KCNH8: variants seen among roughly 807,000 people sequenced by gnomAD.
KCNH8 encodes the protein potassium voltage-gated channel subfamily H member 8, also known as voltage-gated delayed rectifier potassium channel KCNH8.
KCNH8 carries 70 observed loss-of-function variants against 103.6 expected under a neutral mutation model. That is an observed-to-expected ratio of 0.68 (90% confidence interval 0.56 to 0.82). KCNH8 has a LOEUF of 0.82. KCNH8 is among the 40% of genes least tolerant of loss of function. The probability of loss-of-function intolerance (pLI) is 0.00; values close to 1 mark genes in which losing one functional copy is unlikely to be tolerated. For missense variants in KCNH8, 1,217 were observed against 1,329.9 expected, an observed-to-expected ratio of 0.92 and a Z score of 1.32; for synonymous variants, 498 against 489.4, an observed-to-expected ratio of 1.02 and a Z score of -0.23.
intron 5 of KCNH8, 122 bp downstream of exon 5, chr3:19,348,087 C>T: frequency 8.3e-7 from 1 of 1,205,826 alleles, no homozygotes; most frequent in South Asian, 1.5e-5. Flanking sequence ...GCCTCTGTTG[C>T]AAATTTTGGA....
chr3:19,363,577 C>T (rs763732787), intron 5 of KCNH8, among the ~76,000 whole-genome samples: 110 of 152,246 alleles, frequency 7.2e-4, no homozygotes, highest in Admixed American at 3.4e-3. Flanking sequence ...AACTTTTCTC[C>T]AAATCTCCTC....
At chr3:19,372,093 G>C (rs1042897896) in intron 5 of KCNH8, among the ~76,000 whole-genome samples, 61 of 152,190 alleles carry the variant, frequency 4.0e-4, no homozygotes, top group African/African-American at 1.3e-3. Context: ...TTGGCGATGC[G>C]GGCTCTTTTT....
rs769710478 is a variant in KCNH8 at position 19,534,052 on chromosome 3, G to A, written c.3277G>A (p.Val1093Ile). ...TTTGGAGAACCTTCCACTGGAAGTT[G>A]TCACAAGCACAGCAGAAGTGAAAGA... ...KPLENLPLEV[V>I]TSTAEVKDNK... Residue 1093 changes from valine to isoleucine, a missense_variant, in exon 16 of 16, where the codon GTC becomes ATC. This residue lies in a region of KCNH8 where 558 missense variants were observed against 495.8 expected (regional missense o/e 1.13). Coordinates refer to ENST00000328405, the MANE Select transcript of KCNH8 (RefSeq NM_144633.3). 2.5e-6 allele frequency: 4 copies of A among 1,614,126 alleles called. No homozygotes were observed. In the South Asian group the frequency reaches 4.4e-5, roughly 18 times the overall value.
At chr3:19,446,571 A>G (rs922728425) in intron 8 of KCNH8, among the ~76,000 whole-genome samples, 1 of 151,964 alleles carries the variant, frequency 6.6e-6, no homozygotes, top group Non-Finnish European at 1.5e-5. Flanking sequence ...ACTTATAACC[A>G]AGAATGGAAA....
At chr3:19,421,067 T>C (rs1474845061) in intron 7 of KCNH8, among the ~76,000 whole-genome samples, 2 of 152,176 alleles carry the variant, frequency 1.3e-5, no homozygotes, top group East Asian at 3.8e-4. Flanking sequence ...TTGGTAGAAT[T>C]TGACACTTTT....
intron 3 of KCNH8, among the ~76,000 whole-genome samples, chr3:19,302,083 T>G (rs2065071032): frequency 6.6e-6 from 1 of 152,136 alleles, no homozygotes; most frequent in African/African-American, 2.4e-5. Context: ...CTATGATTGA[T>G]TAAAACATCA....
chr3:19,463,941 C>T (rs2067685244), intron 11 of KCNH8, among the ~76,000 whole-genome samples: 2 of 151,950 alleles, frequency 1.3e-5, no homozygotes, highest in Admixed American at 1.3e-4. Context: ...GATTTATTGA[C>T]AAGATAAGAA....
chr3:19,444,908 C>T (rs533440035), intron 8 of KCNH8, among the ~76,000 whole-genome samples: 29 of 152,034 alleles, frequency 1.9e-4, no homozygotes, highest in Admixed American at 1.6e-3. Context: ...GCATGTCAGT[C>T]GATACAACTT....
chr3:19,207,961 T>TA (rs558275362), intron 1 of KCNH8, among the ~76,000 whole-genome samples: 27 of 151,362 alleles, frequency 1.8e-4, no homozygotes, highest in South Asian at 6.2e-4. Flanking sequence ...TTTCAAGATT[T>TA]AAAAAAAAAT....
At chr3:19,459,823 T>C (rs1025657998) in intron 11 of KCNH8, among the ~76,000 whole-genome samples, 10 of 152,266 alleles carry the variant, frequency 6.6e-5, no homozygotes, top group Middle Eastern at 3.4e-3. Flanking sequence ...GGAAAAGGAA[T>C]TTTTATCTTT....
chr3:19,490,904 C>G (rs1294772353), intron 11 of KCNH8, among the ~76,000 whole-genome samples: 1 of 152,154 alleles, frequency 6.6e-6, no homozygotes, highest in South Asian at 2.1e-4. Flanking sequence ...GAAAGCTACT[C>G]AAGACATTCT....
chr3:19,519,176 AG>A (rs1207384285), intron 15 of KCNH8, among the ~76,000 whole-genome samples: 1 of 151,990 alleles, frequency 6.6e-6, no homozygotes, highest in African/African-American at 2.4e-5. Flanking sequence ...GAGAATATGC[AG>A]CAAAACCTGT....
chr3:19,156,983 A>T (rs12489678), intron 1 of KCNH8, among the ~76,000 whole-genome samples: 12,178 of 134,872 alleles, frequency 0.09, 618 homozygotes, highest in East Asian at 0.2. Context: ...TTTTTTTTTT[A>T]AAAAAAAGGT....
chr3:19,488,088 A>G (rs1193140401), intron 11 of KCNH8, among the ~76,000 whole-genome samples: 1 of 152,186 alleles, frequency 6.6e-6, no homozygotes, highest in Non-Finnish European at 1.5e-5. Flanking sequence ...CTTCAGTCTA[A>G]TAGCCCTTCA....
In KCNH8 at chr3:19,200,490, A is replaced by G. The variant is rs115353981; in HGVS notation, c.76+51695A>G. Among the ~76,000 whole-genome samples the G allele has an allele frequency of 5.2e-3, 791 of 152,032 alleles. 12 individuals are homozygous for G. Among genetic ancestry groups the G allele is most frequent in the African/African-American group, 0.016 (670 of 41,524 alleles). On this transcript the variant is annotated intron_variant, in intron 1 of 15. Transcript: ENST00000328405. ...ACCAAAATTGTGAAGCTCTTACTACATAGACAGTTGTGATTTCCACCTTTT... is the reference window on the plus strand; with the variant it reads ...ACCAAAATTGTGAAGCTCTTACTACGTAGACAGTTGTGATTTCCACCTTTT...
At chr3:19,371,011 G>C (rs923299074) in intron 5 of KCNH8, among the ~76,000 whole-genome samples, 4 of 152,096 alleles carry the variant, frequency 2.6e-5, no homozygotes, top group African/African-American at 9.7e-5. Flanking sequence ...GTCTATTACT[G>C]TTGGACATTT....
At chr3:19,295,812 A>G (rs1386298501) in intron 3 of KCNH8, among the ~76,000 whole-genome samples, 1 of 152,178 alleles carries the variant, frequency 6.6e-6, no homozygotes, top group Non-Finnish European at 1.5e-5. Flanking sequence ...GGGGAAAAAA[A>G]CAGACTATTT....
Position 19,441,616 on chromosome 3 carries a change from G to A in KCNH8, c.1375+3255G>A, listed in dbSNP as rs1336735416. Among the ~76,000 whole-genome samples, 3 of 152,258 alleles carry A rather than the reference G, an allele frequency of 2.0e-5. No individual in the cohort carries two copies. In the East Asian group the frequency reaches 5.8e-4, roughly 29 times the overall value. ...AAAGGGAAACTTTACTGAACTATAA[G>A]ACTGCTGTGATGGAGTATTAGGAGA... On this transcript the variant is annotated intron_variant, in intron 8 of 15. Transcript: ENST00000328405.
intron 1 of KCNH8, among the ~76,000 whole-genome samples, chr3:19,195,116 A>C (rs775130676): frequency 1.3e-5 from 2 of 151,838 alleles, no homozygotes; most frequent in African/African-American, 4.8e-5. Flanking sequence ...ACCCTCAGCT[A>C]TAGTATAGGA....
Sources: gnomAD v4.1 joint callset for allele counts (sites outside exome capture counted in the v4.1 genomes callset) on GRCh38, gnomAD v4.1.1 for gene constraint, gnomAD v4.1.1 regional missense constraint, MANE v1.5 for transcripts, NCBI Gene and HGNC (gene_info 2026-07-23, HGNC 2026-07-21) for gene names.